HUWE1: variants seen among roughly 807,000 people sequenced by gnomAD.
HUWE1 encodes HECT, UBA and WWE domain containing E3 ubiquitin protein ligase 1.
A neutral mutation model predicts 299.4 loss-of-function variants in HUWE1; 18 were observed. The ratio of observed to expected loss-of-function variants is 0.06; its 90% CI spans 0.04 to 0.09. The LOEUF (loss-of-function observed/expected upper bound fraction) is 0.09, where lower values mean the gene tolerates loss of function less well. Ranked by LOEUF, HUWE1 falls within the 10% of genes least tolerant of loss-of-function variation. The pLI is 1.00. For synonymous variants in HUWE1, 1,317 were observed against 1,286.1 expected, an observed-to-expected ratio of 1.02 and a Z score of -0.51; for missense variants, 1,832 against 3,462.3, an observed-to-expected ratio of 0.53 and a Z score of 11.82.
At chrX:53,662,069 A>G (rs782577942) in intron 3 of HUWE1, among the ~76,000 whole-genome samples, 3 of 112,120 alleles carry the variant, frequency 2.7e-5, no homozygotes, top group African/African-American at 6.5e-5. Context: ...GTGAAAGACT[A>G]GCCTTACTAA....
intron 24 of HUWE1, among the ~76,000 whole-genome samples, chrX:53,607,949 T>C (rs1457122699): frequency 8.9e-6 from 1 of 111,732 alleles, no homozygotes; most frequent in Non-Finnish European, 1.9e-5. Flanking sequence ...ACAGAGAAGT[T>C]AAGTGACTTG....
Position 53,664,440 on chromosome X carries a change from A to C in HUWE1, c.-24-10309T>G, listed in dbSNP as rs896584447. Among the ~76,000 whole-genome samples, 3 of 111,790 alleles carry C rather than the reference A, an allele frequency of 2.7e-5. No homozygotes were observed. The Admixed American group carries it at 2.9e-4, about 11-fold the overall frequency. ...AACACCATCTAAACAAATGCCTTAGATTAGCTGCTGCCTACTCTAGGAGCT... is the reference window on the plus strand; with the variant it reads ...AACACCATCTAAACAAATGCCTTAGCTTAGCTGCTGCCTACTCTAGGAGCT... On this transcript the variant is annotated intron_variant, in intron 3 of 83. Coordinates refer to ENST00000262854, the MANE Select transcript of HUWE1 (RefSeq NM_031407.7).
intron 6 of HUWE1, among the ~76,000 whole-genome samples, chrX:53,645,737 ATATATAT>A (rs1313430438): frequency 0.042 from 1,578 of 37,825 alleles, 36 homozygotes; most frequent in East Asian, 0.054. Context: ...AAAAAAAAAA[ATATATAT>A]ATATATATAT....
At chrX:53,557,480 A>G in intron 59 of HUWE1, 53 bp from the exon 60 acceptor site, 1 of 985,365 alleles carries the variant, frequency 1.0e-6, no homozygotes, top group Non-Finnish European at 1.4e-6. Context: ...CCTAAGATAG[A>G]GGTCAACTGT....
intron 29 of HUWE1, 143 bp from the exon 30 acceptor site, chrX:53,595,546 A>C (rs2064410240): frequency 3.8e-6 from 2 of 528,777 alleles, no homozygotes; most frequent in East Asian, 3.6e-5. Flanking sequence ...TTCTACATTC[A>C]ATAATCCAAA....
chrX:53,664,263 G>A (rs145216729), intron 3 of HUWE1, among the ~76,000 whole-genome samples: 353 of 111,329 alleles, frequency 3.2e-3, no homozygotes, highest in African/African-American at 0.011. Flanking sequence ...TGTTGTCCAG[G>A]GTGGTCTCGA....
intron 4 of HUWE1, among the ~76,000 whole-genome samples, chrX:53,652,559 A>T (rs782541406): frequency 1.8e-5 from 2 of 112,089 alleles, no homozygotes; most frequent in Admixed American, 9.5e-5. Context: ...TTCTTAAGCA[A>T]GTTTTCTTTT....
rs1277625166 is a variant in HUWE1, at chrX:53,625,871, GGGGCCGGGGCCA to G, written c.1490-625_1490-614del. Reference sequence around the variant, plus strand: ...CGGGGCCAGGGCCGGGGCCGGGGCCGGGGCCGGGGCCAGGGCCGGTGCCGGGGCCGGGACTGG... The same window carrying G: ...CGGGGCCAGGGCCGGGGCCGGGGCCGGGGCCGGTGCCGGGGCCGGGACTGG... On this transcript the variant is annotated intron_variant, in intron 17 of 83. Coordinates refer to ENST00000262854, the MANE Select transcript of HUWE1 (RefSeq NM_031407.7). 167 of 268,679 alleles carry G rather than the reference GGGGCCGGGGCCA, an allele frequency of 6.2e-4. 4 individuals carry two copies. Among genetic ancestry groups the G allele is most frequent in the Middle Eastern group, 1.6e-3 (2 of 1,284 alleles). 22.1% of individuals were successfully genotyped at this position (268,679 alleles called of 1,213,427 possible). A position where few individuals can be genotyped will look rare whatever the true frequency, so the allele number is the denominator to read the frequency against.
intron 23 of HUWE1, among the ~76,000 whole-genome samples, chrX:53,613,704 C>CCTT (rs1338114543): frequency 4.5e-5 from 5 of 111,413 alleles, no homozygotes; most frequent in Admixed American, 3.8e-4. Context: ...AATTCCAAAG[C>CCTT]CTTCTACTAA....
At chrX:53,583,213 C>T (rs1365245992) in intron 42 of HUWE1, among the ~76,000 whole-genome samples, 2 of 109,046 alleles carry the variant, frequency 1.8e-5, no homozygotes, top group Non-Finnish European at 3.8e-5. Flanking sequence ...GAGAGGTACT[C>T]CTACAAAGGA....
chrX:53,683,815 C>T (rs2070320601), intron 2 of HUWE1: 1 of 244,273 alleles, frequency 4.1e-6, no homozygotes, highest in Non-Finnish European at 7.3e-6. Context: ...CCGCCGCCAT[C>T]TTAACAGCAG....
At chrX:53,559,631 A>G in intron 56 of HUWE1, 99 bp from the exon 57 acceptor site, 1 of 721,672 alleles carries the variant, frequency 1.4e-6, no homozygotes, top group Non-Finnish European at 2.1e-6. Flanking sequence ...TATTAAATGC[A>G]GAACATGATT....
chrX:53,545,367 G>T (rs1315439115), intron 70 of HUWE1, among the ~76,000 whole-genome samples: 2 of 111,412 alleles, frequency 1.8e-5, no homozygotes, highest in African/African-American at 6.5e-5. Context: ...ATGGCCACAG[G>T]GATCTGCTGA....
chrX:53,637,196 C>T (rs1182697448), intron 7 of HUWE1, among the ~76,000 whole-genome samples: 3 of 112,327 alleles, frequency 2.7e-5, no homozygotes, highest in Non-Finnish European at 5.6e-5. Context: ...ACCATAAATT[C>T]GATTCTTACA....
intron 43 of HUWE1, among the ~76,000 whole-genome samples, chrX:53,580,114 C>G (rs1250510057): frequency 9.0e-6 from 1 of 111,481 alleles, no homozygotes; most frequent in East Asian, 2.8e-4. Flanking sequence ...CATATATTTT[C>G]TTTTTTATTA....
intron 43 of HUWE1, among the ~76,000 whole-genome samples, chrX:53,577,715 G>A (rs2063217072): frequency 8.7e-6 from 1 of 114,520 alleles, no homozygotes; most frequent in African/African-American, 3.2e-5. Flanking sequence ...GTGGAGACGG[G>A]GTTTTGCTGT....
chrX:53,560,596 T>A (rs1168654772), intron 55 of HUWE1, among the ~76,000 whole-genome samples, 180 bp from the exon 56 acceptor site: 1 of 111,296 alleles, frequency 9.0e-6, no homozygotes. Flanking sequence ...TGCCATCATC[T>A]CTCACTTAGA....
chrX:53,635,157 TTTG>T (rs1369132632), intron 7 of HUWE1, among the ~76,000 whole-genome samples: 1 of 110,509 alleles, frequency 9.0e-6, no homozygotes. Context: ...AATTTATTAA[TTTG>T]TTATGTCAAA....
intron 3 of HUWE1, among the ~76,000 whole-genome samples, chrX:53,655,926 TAAG>T (rs1206524640): frequency 9.0e-6 from 1 of 111,257 alleles, no homozygotes; most frequent in Non-Finnish European, 1.9e-5. Context: ...GGCACACAGA[TAAG>T]AAAAGAAAAA....
Sources: gnomAD v4.1 joint callset for allele counts (sites outside exome capture counted in the v4.1 genomes callset) on GRCh38, gnomAD v4.1.1 for gene constraint, MANE v1.5 for transcripts, NCBI Gene and HGNC (gene_info 2026-07-23, HGNC 2026-07-21) for gene names.